The following DMRT1 variants were observed in gnomAD, a reference collection of about 807,000 sequenced individuals.
The protein encoded by DMRT1 is doublesex- and mab-3-related transcription factor 1.
DMRT1 carries 7 observed loss-of-function variants against 32.3 expected under a neutral mutation model. The ratio of observed to expected loss-of-function variants is 0.22; its 90% confidence interval spans 0.12 to 0.41. DMRT1 has a LOEUF of 0.41. DMRT1 is among the 10% of genes least tolerant of loss of function. The probability of loss-of-function intolerance (pLI) is 1.00; values close to 1 mark genes in which losing one functional copy is unlikely to be tolerated. For synonymous variants in DMRT1, 278 were observed against 206.1 expected (o/e 1.35, Z -2.99); for missense variants, 625 against 500.5 (o/e 1.25, Z -2.37).
intron 4 of DMRT1, among the ~76,000 whole-genome samples, chr9:954,688 C>G (rs1819539319): frequency 6.6e-6 from 1 of 152,052 alleles, no homozygotes; most frequent in South Asian, 2.1e-4. Context: ...TGTCGCCAAG[C>G]TGGAGTGCAG....
intron 3 of DMRT1, among the ~76,000 whole-genome samples, chr9:908,965 C>T (rs911002595): frequency 6.6e-6 from 1 of 152,130 alleles, no homozygotes; most frequent in African/African-American, 2.4e-5. Flanking sequence ...CCCCTGTCCA[C>T]CCCTCACCCC....
At chr9:891,473 A>G (rs984368730) in intron 2 of DMRT1, among the ~76,000 whole-genome samples, 3 of 149,694 alleles carry the variant, frequency 2.0e-5, no homozygotes, top group African/African-American at 7.4e-5. Context: ...AAACAAAATA[A>G]AAGTGAAACG....
intron 4 of DMRT1, among the ~76,000 whole-genome samples, chr9:936,362 A>G (rs1275823731): frequency 6.6e-6 from 1 of 152,114 alleles, no homozygotes; most frequent in African/African-American, 2.4e-5. Context: ...ATACTAGATG[A>G]AAGAACTATC....
intron 3 of DMRT1, among the ~76,000 whole-genome samples, chr9:899,272 C>T (rs973987459): frequency 7.9e-5 from 12 of 151,860 alleles, no homozygotes; most frequent in East Asian, 1.9e-4. Flanking sequence ...TAGTGGAGAT[C>T]GTCATAACTT....
chr9:952,954 C>A (rs1410277352), intron 4 of DMRT1, among the ~76,000 whole-genome samples: 4 of 151,984 alleles, frequency 2.6e-5, no homozygotes, highest in African/African-American at 9.6e-5. Flanking sequence ...GGTTTTTTTC[C>A]TTAGGAGATA....
chr9:966,530 G>A (rs1819935323), intron 4 of DMRT1, among the ~76,000 whole-genome samples: 1 of 151,972 alleles, frequency 6.6e-6, no homozygotes, highest in South Asian at 2.1e-4. Flanking sequence ...TTCCTTCTTG[G>A]ATATTGAGGT....
chr9:937,709 C>T (rs185954175), intron 4 of DMRT1, among the ~76,000 whole-genome samples: 80 of 152,044 alleles, frequency 5.3e-4, no homozygotes, highest in Admixed American at 9.8e-4. Context: ...GGTTTTTTGT[C>T]GTTGTTGTAG....
intron 4 of DMRT1, among the ~76,000 whole-genome samples, chr9:933,909 A>G (rs1007637080): frequency 6.6e-6 from 1 of 152,182 alleles, no homozygotes; most frequent in Non-Finnish European, 1.5e-5. Context: ...TTGTGGGAAC[A>G]TCAGCCCTTA....
chr9:862,255 C>T (rs1038896865), intron 2 of DMRT1, among the ~76,000 whole-genome samples: 4 of 152,098 alleles, frequency 2.6e-5, no homozygotes, highest in African/African-American at 7.2e-5. Flanking sequence ...CTCCCGGCAC[C>T]TCGGGAGGCC....
At chr9:937,413 A>G (rs1203947801) in intron 4 of DMRT1, among the ~76,000 whole-genome samples, 1 of 152,260 alleles carries the variant, frequency 6.6e-6, no homozygotes, top group Non-Finnish European at 1.5e-5. Flanking sequence ...GTTTTTGCAG[A>G]ACTGCCAAAC....
intron 4 of DMRT1, among the ~76,000 whole-genome samples, chr9:932,081 T>C (rs571203735): frequency 2.9e-4 from 44 of 152,276 alleles, no homozygotes; most frequent in African/African-American, 9.6e-4. Context: ...CTCTCAGAGA[T>C]AGAGAACGCA....
intron 2 of DMRT1, among the ~76,000 whole-genome samples, chr9:893,441 G>C (rs1455987892): frequency 6.6e-6 from 1 of 152,244 alleles, no homozygotes; most frequent in Non-Finnish European, 1.5e-5. Flanking sequence ...GATTTCTGAA[G>C]ATACCTGATC....
Position 847,009 on chromosome 9 carries a change from A to C in DMRT1, c.404A>C (p.His135Pro), listed in dbSNP as rs777256742. The stretch of plus-strand genomic sequence containing the variant: ...CAGGAGGAGGAATTGGGTATCAGCC[A>C]CCCCATCCCACTGCCCAGTGCGGCC... ...QAQEEELGIS[H>P]PIPLPSAAEL... The change falls in exon 2 of 5, where the codon CAC (histidine) becomes CCC (proline). Residue 135 changes from histidine (H) to proline (P), a missense_variant. This residue lies in a region of DMRT1 where 416 missense variants were observed against 321.6 expected (regional missense o/e 1.29). Coordinates refer to ENST00000382276, the MANE Select transcript of DMRT1 (RefSeq NM_021951.3). 14 of 1,613,926 alleles carry C rather than the reference A, an allele frequency of 8.7e-6. No individual in the cohort carries two copies. The highest frequency in any genetic ancestry group is 1.2e-5 in the Non-Finnish European group (14 of 1,180,020).
At chr9:909,350 G>C (rs1405838331) in intron 3 of DMRT1, among the ~76,000 whole-genome samples, 1 of 152,098 alleles carries the variant, frequency 6.6e-6, no homozygotes. Context: ...ATGGAATGCT[G>C]AAAAATGAAT....
At chr9:847,602 G>T (rs563672719) in intron 2 of DMRT1, among the ~76,000 whole-genome samples, 2 of 152,334 alleles carry the variant, frequency 1.3e-5, no homozygotes, top group East Asian at 3.9e-4. Context: ...ACGTTGGCTT[G>T]AATTCTCTCC....
chr9:929,971 GC>G (rs1818655481), intron 4 of DMRT1, among the ~76,000 whole-genome samples: 1 of 152,180 alleles, frequency 6.6e-6, no homozygotes, highest in South Asian at 2.1e-4. Context: ...CTGCAGAACA[GC>G]CTTGCGTCTG....
chr9:940,588 A>G (rs932157510), intron 4 of DMRT1, among the ~76,000 whole-genome samples: 2 of 152,200 alleles, frequency 1.3e-5, no homozygotes, highest in African/African-American at 2.4e-5. Flanking sequence ...ACCTAAAATT[A>G]TGAAAGTCTT....
At chr9:864,964 G>A (rs1815913207) in intron 2 of DMRT1, among the ~76,000 whole-genome samples, 2 of 152,162 alleles carry the variant, frequency 1.3e-5, no homozygotes, top group South Asian at 4.1e-4. Flanking sequence ...ATGCAGGAAT[G>A]GGGAGATATA....
intron 2 of DMRT1, among the ~76,000 whole-genome samples, chr9:862,268 G>C (rs1164701807): frequency 6.6e-6 from 1 of 152,178 alleles, no homozygotes; most frequent in East Asian, 1.9e-4. Flanking sequence ...GGGAGGCCGA[G>C]GCTGGCAGAC....
Sources: allele counts gnomAD v4.1 joint callset (sites outside exome capture counted in the v4.1 genomes callset), GRCh38; gene constraint gnomAD v4.1.1; regional missense constraint gnomAD v4.1.1; transcripts MANE v1.5; gene names NCBI Gene and HGNC (gene_info 2026-07-23, HGNC 2026-07-21).